The following CNTNAP2 variants were observed in gnomAD, a reference collection of about 807,000 sequenced individuals.
CNTNAP2 encodes contactin associated protein 2, also known as contactin-associated protein-like 2.
A neutral mutation model predicts 155.2 loss-of-function variants in CNTNAP2; 98 were observed. That is an observed-to-expected ratio of 0.63 (90% confidence interval 0.54 to 0.75). The LOEUF (loss-of-function observed/expected upper bound fraction) is 0.75, where lower values mean the gene tolerates loss of function less well. Among genes scored for constraint, CNTNAP2 ranks in the 30% least tolerant of loss-of-function variants. The probability of loss-of-function intolerance (pLI) is 0.00; values close to 1 mark genes in which losing one functional copy is unlikely to be tolerated. For synonymous variants in CNTNAP2, 651 were observed against 631.2 expected, an observed-to-expected ratio of 1.03 and a Z score of -0.47; for missense variants, 1,727 against 1,688.1, an observed-to-expected ratio of 1.02 and a Z score of -0.40.
intron 10 of CNTNAP2, among the ~76,000 whole-genome samples, chr7:147,397,157 A>G (rs1796830708): frequency 6.6e-6 from 1 of 152,000 alleles, no homozygotes; most frequent in African/African-American, 2.4e-5. Flanking sequence ...GCTTATTTCT[A>G]TTCATGTATG....
intron 1 of CNTNAP2, among the ~76,000 whole-genome samples, chr7:146,315,070 G>A (rs1298041359): frequency 6.6e-6 from 1 of 152,136 alleles, no homozygotes. Context: ...TTCCTGTTTA[G>A]GCTCAAGTTG....
chr7:147,964,941 C>T (rs1801179934), intron 14 of CNTNAP2, among the ~76,000 whole-genome samples: 1 of 152,208 alleles, frequency 6.6e-6, no homozygotes, highest in African/African-American at 2.4e-5. Flanking sequence ...GAGTTAACCA[C>T]AAAGCTCTGA....
At chr7:148,096,270 C>T (rs978018118) in intron 15 of CNTNAP2, among the ~76,000 whole-genome samples, 2 of 135,444 alleles carry the variant, frequency 1.5e-5, no homozygotes, top group Non-Finnish European at 3.1e-5. Flanking sequence ...TTTCTGCGTG[C>T]ATGCATGCAT....
chr7:148,332,741 C>G (rs185037203), intron 21 of CNTNAP2, among the ~76,000 whole-genome samples: 48 of 152,256 alleles, frequency 3.2e-4, no homozygotes, highest in Non-Finnish European at 6.5e-4. Context: ...AAAATTACAC[C>G]AGGCCATCCA....
intron 9 of CNTNAP2, chr7:147,377,935 A>G (rs1446434623): frequency 1.6e-5 from 7 of 447,700 alleles, no homozygotes; most frequent in African/African-American, 8.2e-5. Context: ...TCCTTTCTGA[A>G]TCTGAATTTT....
chr7:147,969,994 AC>A (rs371589372), intron 14 of CNTNAP2, among the ~76,000 whole-genome samples: 2 of 151,398 alleles, frequency 1.3e-5, no homozygotes, highest in African/African-American at 4.9e-5. Context: ...CGGTGGTGTA[AC>A]CTTGGCTTGC....
chr7:148,008,049 T>A (rs1802010713), intron 15 of CNTNAP2, among the ~76,000 whole-genome samples: 3 of 152,088 alleles, frequency 2.0e-5, no homozygotes, highest in Admixed American at 2.0e-4. Context: ...AGGTAGAATC[T>A]AATCACATGG....
At chr7:147,363,219 ACT>A (rs1273093367) in intron 9 of CNTNAP2, among the ~76,000 whole-genome samples, 2 of 152,090 alleles carry the variant, frequency 1.3e-5, no homozygotes, top group African/African-American at 2.4e-5. Context: ...ACTAGAGCTT[ACT>A]CTCTGCTGTG....
intron 1 of CNTNAP2, among the ~76,000 whole-genome samples, chr7:146,688,628 T>C (rs1032328224): frequency 6.6e-6 from 1 of 152,046 alleles, no homozygotes; most frequent in Admixed American, 6.6e-5. Flanking sequence ...CAAATCACAA[T>C]GGTGGAATGT....
intron 1 of CNTNAP2, among the ~76,000 whole-genome samples, chr7:146,651,460 A>G (rs934844784): frequency 6.6e-6 from 1 of 152,194 alleles, no homozygotes; most frequent in Admixed American, 6.5e-5. Flanking sequence ...ATGATACGCA[A>G]TAATAGGAAC....
At chr7:147,240,112 A>G (rs538624984) in intron 8 of CNTNAP2, among the ~76,000 whole-genome samples, 76 of 152,280 alleles carry the variant, frequency 5.0e-4, no homozygotes, top group African/African-American at 1.8e-3. Flanking sequence ...GAGGACAACC[A>G]TAGTATTTAG....
intron 15 of CNTNAP2, among the ~76,000 whole-genome samples, chr7:148,076,545 C>T (rs532379103): frequency 3.0e-4 from 44 of 147,852 alleles, no homozygotes; most frequent in South Asian, 1.5e-3. Context: ...ATGCCATTCT[C>T]CTGCCTCAGC....
At chr7:147,915,705 TAAA>T (rs11349544) in intron 14 of CNTNAP2, among the ~76,000 whole-genome samples, 10 of 140,942 alleles carry the variant, frequency 7.1e-5, no homozygotes, top group African/African-American at 7.8e-5. Flanking sequence ...AAGCTTTGTT[TAAA>T]AAAAAAAAAA....
rs1795378343 is a variant in CNTNAP2, at chr7:146,381,005, A to G, written c.97+264032A>G. The stretch of plus-strand genomic sequence containing the variant: ...AGTAGAGACAGGGTTTCACCGTGTT[A>G]GCCAGGATGGTCTCGATCTCCTGAC... On this transcript the variant is annotated intron_variant, in intron 1 of 23. Transcript: ENST00000361727. Among the ~76,000 whole-genome samples, 4 of 151,174 alleles carry G rather than the reference A, an allele frequency of 2.6e-5. No individual in the cohort carries two copies. In the South Asian group the frequency reaches 8.3e-4, roughly 32 times the overall value.
At chr7:147,162,478 T>G (rs895165035) in intron 8 of CNTNAP2, among the ~76,000 whole-genome samples, 7 of 152,208 alleles carry the variant, frequency 4.6e-5, no homozygotes, top group African/African-American at 1.2e-4. Flanking sequence ...GTGTTGCACA[T>G]GGGTGTAGAC....
intron 1 of CNTNAP2, among the ~76,000 whole-genome samples, chr7:146,299,741 G>T (rs1364012729): frequency 6.6e-6 from 1 of 151,862 alleles, no homozygotes; most frequent in African/African-American, 2.4e-5. Flanking sequence ...TTATGGAGGG[G>T]GTACGACTTA....
intron 15 of CNTNAP2, among the ~76,000 whole-genome samples, chr7:148,046,794 T>G (rs981989952): frequency 4.6e-5 from 7 of 152,248 alleles, no homozygotes; most frequent in Admixed American, 6.5e-5. Context: ...AGTTATATAA[T>G]CTCTATTAAT....
chr7:147,541,066 A>C (rs1051796953), intron 11 of CNTNAP2, among the ~76,000 whole-genome samples: 6 of 152,228 alleles, frequency 3.9e-5, no homozygotes, highest in African/African-American at 1.4e-4. Flanking sequence ...ATAGCAAGGA[A>C]AACTCCATTT....
intron 1 of CNTNAP2, among the ~76,000 whole-genome samples, chr7:146,601,654 G>A (rs959876732): frequency 6.6e-6 from 1 of 151,972 alleles, no homozygotes; most frequent in Non-Finnish European, 1.5e-5. Flanking sequence ...AAAAATCTGC[G>A]AAATTATGTT....
Sources: gnomAD v4.1 joint callset for allele counts (sites outside exome capture counted in the v4.1 genomes callset) on GRCh38, gnomAD v4.1.1 for gene constraint, MANE v1.5 for transcripts, NCBI Gene and HGNC (gene_info 2026-07-23, HGNC 2026-07-21) for gene names.